The following ZBTB34 variants were observed in gnomAD, a reference collection of about 807,000 sequenced individuals.
ZBTB34 encodes the protein zinc finger and BTB domain-containing protein 34.
ZBTB34 carries 1 observed loss-of-function variant against 33.4 expected under a neutral mutation model. The observed-to-expected ratio is 0.03, with a 90% CI of 0.01 to 0.14. The LOEUF is 0.14. Ranked by LOEUF, ZBTB34 falls within the 10% of genes least tolerant of loss-of-function variation. ZBTB34 has a pLI of 1.00. For synonymous variants in ZBTB34, 283 were observed against 253.5 expected, an observed-to-expected ratio of 1.12 and a Z score of -1.11; for missense variants, 406 against 657.2, an observed-to-expected ratio of 0.62 and a Z score of 4.18.
At position 126,880,877 on chromosome 9, in the gene ZBTB34, G is replaced by T; in HGVS notation, c.1478G>T (p.Arg493Leu). The change falls in exon 2 of 2, where the codon CGG becomes CTG. Residue 493 changes from arginine (R) to leucine (L), a missense_variant. This residue lies in a region of ZBTB34 where 58 missense variants were observed against 58.7 expected (regional missense o/e 0.99). Transcript: ENST00000319119. The surrounding 1 kb of genome is among the most constrained non-coding windows in gnomAD (Gnocchi z 6.7). ...GCCTCAGAGATGGGCCTAGATTCCC[G>T]GATGGAAATTCACACAGTGTCTGAT... is the stretch of plus-strand genomic sequence containing the variant. The T allele has an allele frequency of 6.2e-7, 1 of 1,612,714 alleles. No homozygotes were observed.
Position 126,878,469 on chromosome 9 carries a change from CAA to C in ZBTB34, c.-10-908_-10-907del, listed in dbSNP as rs958111935. Among the ~76,000 whole-genome samples, 605 of 127,910 alleles carry C rather than the reference CAA, an allele frequency of 4.7e-3. 4 individuals carry two copies. Among genetic ancestry groups the C allele is most frequent in the African/African-American group, 0.016 (559 of 34,938 alleles). 83.9% of individuals were successfully genotyped at this position (127,910 alleles called of 152,430 possible). A position where few individuals can be genotyped will look rare whatever the true frequency, so the allele number is the denominator to read the frequency against. On this transcript the variant is annotated intron_variant, in intron 1 of 1. Transcript: ENST00000319119. Reference sequence around the variant, plus strand: ...TGTGCAACAGAGCAAGATTCTGTCTCAAAAAAAAAAAAAAGTAATAATAACTC... The same window carrying C: ...TGTGCAACAGAGCAAGATTCTGTCTCAAAAAAAAAAAAGTAATAATAACTC...
chr9:126,866,052 C>G lies in ZBTB34; in HGVS notation c.-11+5313C>G, dbSNP rs78175984. Among the ~76,000 whole-genome samples, 888 of 152,226 alleles carry G rather than the reference C, an allele frequency of 5.8e-3. 2 individuals are homozygous for G. Among genetic ancestry groups the G allele is most frequent in the Non-Finnish European group, 8.5e-3 (576 of 68,010 alleles). On this transcript the variant is annotated intron_variant, in intron 1 of 1. Transcript: ENST00000319119. ...AGAGGGCTAGGTGAGGATGTTACCC[C>G]CTTCATCAGGTGCTGTGTTTCCATT...
At chr9:126,872,672 C>T (rs973308144) in intron 1 of ZBTB34, among the ~76,000 whole-genome samples, 1 of 152,158 alleles carries the variant, frequency 6.6e-6, no homozygotes, top group African/African-American at 2.4e-5. Flanking sequence ...GTTTCTCTTC[C>T]TTTAGTCTGG....
chr9:126,862,426 C>T lies in ZBTB34; in HGVS notation c.-11+1687C>T, dbSNP rs191667834. Among the ~76,000 whole-genome samples, 733 of 152,254 alleles carry T rather than the reference C, an allele frequency of 4.8e-3. 4 individuals carry two copies. The highest frequency in any genetic ancestry group is 0.016 in the African/African-American group (666 of 41,540). On this transcript the variant is annotated intron_variant, in intron 1 of 1. Coordinates refer to ENST00000319119, the Ensembl canonical transcript of ZBTB34. ...AGCTGAGTAGTGGCCTCTTGCCTGC[C>T]ACGGTATGTCCAGCCACCGCCCACC...
intron 1 of ZBTB34, among the ~76,000 whole-genome samples, chr9:126,874,036 CT>C (rs781115278): frequency 7.1e-3 from 466 of 66,066 alleles, no homozygotes; most frequent in South Asian, 0.01. Context: ...TGTGTATGTT[CT>C]TTTTTTTTTT....
intron 1 of ZBTB34, among the ~76,000 whole-genome samples, chr9:126,861,956 T>G (rs2033148519): frequency 6.6e-6 from 1 of 152,204 alleles, no homozygotes; most frequent in Non-Finnish European, 1.5e-5. Context: ...CAAGATGCTG[T>G]TCCATGTGGT....
chr9:126,883,740 C>T (rs1299929463), exon 2 of ZBTB34: 2 of 167,080 alleles, frequency 1.2e-5, no homozygotes, highest in Non-Finnish European at 2.9e-5. Flanking sequence ...TGTAAAGTTC[C>T]GCAGGGCTTC....
At chr9:126,881,866 ACTCT>A (rs370989827) in exon 2 of ZBTB34, 51 of 166,632 alleles carry the variant, frequency 3.1e-4, no homozygotes, top group African/African-American at 1.2e-3. Context: ...AAATCGAATC[ACTCT>A]CTATCATGAG....
chr9:126,874,341 C>T (rs1238775469), intron 1 of ZBTB34, among the ~76,000 whole-genome samples: 3 of 151,706 alleles, frequency 2.0e-5, no homozygotes, highest in African/African-American at 7.3e-5. Context: ...TGAGCCACCA[C>T]GCCCGGCCTC....
intron 1 of ZBTB34, among the ~76,000 whole-genome samples, chr9:126,861,525 C>T (rs948937605): frequency 1.3e-5 from 2 of 152,198 alleles, no homozygotes; most frequent in Non-Finnish European, 2.9e-5. Context: ...CCGTGTATGT[C>T]TCAAATTGGA....
chr9:126,864,939 C>A (rs926874392), intron 1 of ZBTB34, among the ~76,000 whole-genome samples: 1 of 152,134 alleles, frequency 6.6e-6, no homozygotes, highest in Non-Finnish European at 1.5e-5. Context: ...GAGAAAGCCT[C>A]GTTTGAGCTG....
intron 1 of ZBTB34, among the ~76,000 whole-genome samples, chr9:126,876,888 C>T (rs2033370237): frequency 6.6e-6 from 1 of 152,042 alleles, no homozygotes; most frequent in Non-Finnish European, 1.5e-5. Context: ...ACTCAAATTT[C>T]GATGTGATAA....
exon 2 of ZBTB34, chr9:126,883,054 C>T (rs1278347886): frequency 6.0e-6 from 1 of 166,974 alleles, no homozygotes; most frequent in African/African-American, 2.4e-5. Context: ...CGTTCTCTCC[C>T]TGAAGCACTT....
chr9:126,867,729 A>G (rs1041953469), intron 1 of ZBTB34, among the ~76,000 whole-genome samples: 1 of 148,826 alleles, frequency 6.7e-6, no homozygotes, highest in African/African-American at 2.5e-5. Context: ...TGTCAGTGTT[A>G]TAAATAAATT....
At position 126,880,477 on chromosome 9, in the gene ZBTB34, C is replaced by T. The variant is rs1335657939; in HGVS notation, c.1078C>T (p.Pro360Ser). 1 of 1,613,582 alleles carries T rather than the reference C, an allele frequency of 6.2e-7. No individual in the cohort carries two copies. The highest frequency in any genetic ancestry group is 1.3e-5 in the African/African-American group (1 of 74,922). Residue 360 changes from proline (P) to serine (S), a missense_variant, in exon 2 of 2, where the codon CCC becomes TCC. Coordinates refer to ENST00000319119, the Ensembl canonical transcript of ZBTB34. This position sits in a 1 kb window ranked among gnomAD's most constrained non-coding sequence, Gnocchi z 6.7. ...GAACAACCCCGGGTATGAGAGCAGT[C>T]CCCGGGAGAGGAGTGCGAGAGGGCA...
chr9:126,864,205 G>C (rs1021943730), intron 1 of ZBTB34, among the ~76,000 whole-genome samples: 4 of 152,144 alleles, frequency 2.6e-5, no homozygotes, highest in African/African-American at 9.7e-5. Flanking sequence ...CCAAATCCTG[G>C]CTCAGCCAGT....
chr9:126,865,098 C>T (rs1029651310), intron 1 of ZBTB34, among the ~76,000 whole-genome samples: 4 of 152,184 alleles, frequency 2.6e-5, no homozygotes, highest in African/African-American at 9.7e-5. Flanking sequence ...GGAAGTGTAA[C>T]TGGATATTTT....
chr9:126,882,549 G>A (rs1043080896), exon 2 of ZBTB34: 3 of 167,114 alleles, frequency 1.8e-5, no homozygotes, highest in Non-Finnish European at 2.9e-5. Flanking sequence ...TTTGTAGGCA[G>A]TTTGGTGGTG....
chr9:126,880,384 G>T lies in ZBTB34; in HGVS notation c.985G>T (p.Ala329Ser), dbSNP rs141877075. ...AGGAGGGCGTGCCCGCCAGAAGCGG[G>T]CTTTGTCTGTCCACCTGCACAGTGA... is the stretch of plus-strand genomic sequence containing the variant. The change falls in exon 2 of 2, where the codon GCT becomes TCT. Residue 329 changes from alanine to serine, a missense_variant. By Grantham distance (99) the Ala-to-Ser change is moderately conservative (BLOSUM62 1). Coordinates refer to ENST00000319119, the Ensembl canonical transcript of ZBTB34. The surrounding 1 kb of genome is among the most constrained non-coding windows in gnomAD (Gnocchi z 6.7). The T allele has an allele frequency of 4.4e-4, 713 of 1,613,664 alleles. 4 individuals are homozygous for T. In the East Asian group the frequency reaches 0.014, roughly 32 times the overall value.
Sources: allele counts gnomAD v4.1 joint callset (sites outside exome capture counted in the v4.1 genomes callset), GRCh38; gene constraint gnomAD v4.1.1; regional missense constraint gnomAD v4.1.1; non-coding constraint Gnocchi (gnomAD v3.1); transcripts MANE v1.5; gene names NCBI Gene and HGNC (gene_info 2026-07-23, HGNC 2026-07-21).